Variants in ELMO3 observed in about 807,000 individuals in gnomAD.
ELMO3 encodes engulfment and cell motility 3, also known as engulfment and cell motility protein 3.
A neutral mutation model predicts 89.0 loss-of-function variants in ELMO3; 81 were observed. That is an observed-to-expected ratio of 0.91 (90% CI 0.76 to 1.09). The LOEUF (loss-of-function observed/expected upper bound fraction) is 1.09, where lower values mean the gene tolerates loss of function less well. Among genes scored for constraint, ELMO3 ranks in the 50% least tolerant of loss-of-function variants. The pLI, the probability that ELMO3 is intolerant of heterozygous loss-of-function variation, is 0.00. For synonymous variants in ELMO3, 406 were observed against 400.6 expected (o/e 1.01, Z -0.16); for missense variants, 959 against 972.8 (o/e 0.99, Z 0.19).
rs763179548 is a variant in ELMO3 at position 67,201,830 on chromosome 16, G to A, written c.1007G>A (p.Arg336His). 8.7e-6 allele frequency: 14 copies of A among 1,611,418 alleles called. No individual in the cohort carries two copies. The East Asian group carries it at 1.1e-4, about 13-fold the overall frequency. Residue 336 changes from arginine to histidine, a missense_variant, in exon 11 of 20, where the codon CGC (arginine) becomes CAC (histidine). Physicochemically the swap from Arg to His is conservative, Grantham distance 29. Transcript: ENST00000393997. ...GGTGCCGGGCTAAGTGCTGACCGTCGCCGTTCCCTCTGTGCCCGAGAGTTC... is the reference window on the plus strand; with the variant it reads ...GGTGCCGGGCTAAGTGCTGACCGTCACCGTTCCCTCTGTGCCCGAGAGTTC... ...SSGAGLSADR[R>H]RSLCAREFRK...
At position 67,201,405 on chromosome 16, in the gene ELMO3, G is replaced by C. The variant is rs774765515; in HGVS notation, c.765G>C (p.Trp255Cys). Residue 255 changes from tryptophan (W) to cysteine (C), a missense_variant, in exon 9 of 20, where the codon TGG (tryptophan) becomes TGC (cysteine). Transcript: ENST00000393997. The part of the protein sequence containing the change: ...VERKHMLDYL[W>C]QRNLRQFIYK... ...CTCAGCACATGCTTGACTATCTTTG[G>C]CAGAGGAACCTTCGCCAGTTCATCT... The C allele has an allele frequency of 1.2e-6, 2 of 1,613,884 alleles. No individual in the cohort carries two copies. The highest frequency in any genetic ancestry group is 2.2e-5 in the South Asian group (2 of 91,078).
Position 67,199,543 on chromosome 16 carries a change from C to T in ELMO3, c.79-10C>T, listed in dbSNP as rs774030285. The T allele has an allele frequency of 1.0e-5, 16 of 1,603,942 alleles. No individual in the cohort carries two copies. The highest frequency in any genetic ancestry group is 1.4e-5 in the Non-Finnish European group (16 of 1,178,178). Reference sequence around the variant, plus strand: ...TGCCCAGGCCGCGAGAATGACCACTCCACTTGCAGGCGAAGCCCCTGGCCG... The same window carrying T: ...TGCCCAGGCCGCGAGAATGACCACTTCACTTGCAGGCGAAGCCCCTGGCCG... On this transcript the variant is annotated splice_polypyrimidine_tract_variant and intron_variant, in intron 1 of 19. Transcript: ENST00000393997.
chr16:67,199,491 C>T, intron 1 of ELMO3, 62 bp from the exon 2 acceptor site: 3 of 1,547,236 alleles, frequency 1.9e-6, no homozygotes, highest in Non-Finnish European at 2.6e-6. Context: ...CCCCACCCCT[C>T]CCCCCAGGCT....
Position 67,203,891 on chromosome 16 carries a change from C to T in ELMO3, c.*14C>T, listed in dbSNP as rs1487699136. The T allele has an allele frequency of 1.7e-5, 26 of 1,543,772 alleles. No homozygotes were observed. Among genetic ancestry groups the T allele is most frequent in the Non-Finnish European group, 2.1e-5 (24 of 1,143,414 alleles). ...GCTGAACCTTGACAGTGTGGCTGGCCATGGGCCACAGCTGCGGCCACTGCA... is the reference window on the plus strand; with the variant it reads ...GCTGAACCTTGACAGTGTGGCTGGCTATGGGCCACAGCTGCGGCCACTGCA... On this transcript the variant is annotated 3_prime_UTR_variant, in exon 20 of 20. Transcript: ENST00000393997. The surrounding 1 kb of genome is among the most constrained non-coding windows in gnomAD (Gnocchi z 4.6).
intron 6 of ELMO3, 46 bp downstream of exon 6, chr16:67,200,596 G>A: frequency 6.2e-7 from 1 of 1,612,278 alleles, no homozygotes; most frequent in South Asian, 1.1e-5. Flanking sequence ...GTGGAGCAGT[G>A]GGGCAGTGGT....
At position 67,199,250 on chromosome 16, in the gene ELMO3, G is replaced by A. The variant is rs1176318872; in HGVS notation, c.-77G>A. The A allele has an allele frequency of 2.5e-6, 4 of 1,611,470 alleles. No homozygotes were observed. Among genetic ancestry groups the A allele is most frequent in the African/African-American group, 2.7e-5 (2 of 74,900 alleles). ...AAGGGAGGACCTCCTCGTCCCCAGG[G>A]GCCCCAGGCCAGGTGCACCCTTGGC... On this transcript the variant is annotated 5_prime_UTR_variant, in exon 1 of 20. Transcript: ENST00000393997.
At position 67,203,660 on chromosome 16, in the gene ELMO3, C is replaced by T; in HGVS notation, c.1951-5C>T. Reference sequence around the variant, plus strand: ...CAGACCCTCACGGCTCTGTGCCACCCCCAGTTCTACCTGTGGACAGATGGG... The same window carrying T: ...CAGACCCTCACGGCTCTGTGCCACCTCCAGTTCTACCTGTGGACAGATGGG... On this transcript the variant is annotated splice_polypyrimidine_tract_variant and splice_region_variant and intron_variant, in intron 19 of 19. Transcript: ENST00000393997. This position sits in a 1 kb window ranked among gnomAD's most constrained non-coding sequence, Gnocchi z 4.6. 6.2e-7 allele frequency: 1 copy of T among 1,613,678 alleles called. No homozygotes were observed. The highest frequency in any genetic ancestry group is 8.5e-7 in the Non-Finnish European group (1 of 1,179,866).
chr16:67,202,570 C>T (rs566724351), intron 14 of ELMO3, 37 bp downstream of exon 14: 3 of 1,612,440 alleles, frequency 1.9e-6, no homozygotes, highest in East Asian at 4.5e-5. Flanking sequence ...TGGGCCAGGG[C>T]AGGGGGCTGA....
Position 67,201,609 on chromosome 16 carries a change from G to T in ELMO3, c.885G>T (p.Pro295=), listed in dbSNP as rs375408698. 6.3e-5 allele frequency: 102 copies of T among 1,613,532 alleles called. 1 individual carries two copies. In the African/African-American group the frequency reaches 1.3e-3, roughly 20 times the overall value. ...CTCTCATGCTGGGGCTGCTGGAGCC[G>T]CGCATGCGGACGCCCCTGGACCCCT... The part of the protein sequence containing the change: ...LQALMLGLLE[P]RMRTPLDPYS... Residue 295 remains proline (P), a synonymous_variant, in exon 10 of 20, where the codon CCG becomes CCT. Coordinates refer to ENST00000393997, the MANE Select transcript of ELMO3 (RefSeq NM_024712.5).
chr16:67,202,660 A>C lies in ELMO3; in HGVS notation c.1432A>C (p.Thr478Pro). Residue 478 changes from threonine to proline, a missense_variant, in exon 15 of 20, where the codon ACT becomes CCT. Transcript: ENST00000393997. ...GGTGGTGCGGGAGCAGCTGGCCCGC[A>C]CTCTGGCCCTGAAGCCCACTTCCCT... ...MQVVREQLAR[T>P]LALKPTSLEL... 3 of 1,613,490 alleles carry C rather than the reference A, an allele frequency of 1.9e-6. No homozygotes were observed. Among genetic ancestry groups the C allele is most frequent in the Non-Finnish European group, 2.5e-6 (3 of 1,179,970 alleles).
intron 11 of ELMO3, 45 bp downstream of exon 11, chr16:67,201,918 G>A (rs111515493): frequency 4.5e-5 from 72 of 1,605,080 alleles, no homozygotes; most frequent in African/African-American, 4.4e-4. Flanking sequence ...CCTCAGCCCA[G>A]GGCTGTTGTT....
At position 67,199,575 on chromosome 16, in the gene ELMO3, T is replaced by C. The variant is rs942098605; in HGVS notation, c.101T>C (p.Leu34Pro). The C allele has an allele frequency of 1.2e-6, 2 of 1,606,020 alleles. No individual in the cohort carries two copies. The highest frequency in any genetic ancestry group is 2.7e-5 in the African/African-American group (2 of 74,428). Reference protein sequence around the residue: ...LDQAKPLAAVLKEVCDAWSLT... With the variant: ...LDQAKPLAAVPKEVCDAWSLT... ...CAGGCGAAGCCCCTGGCCGCTGTGC[T>C]GAAGGAGGTGTGCGACGCGTGAGTG... The change falls in exon 2 of 20, where the codon CTG becomes CCG. Residue 34 changes from leucine to proline, a missense_variant. Coordinates refer to ENST00000393997, the MANE Select transcript of ELMO3 (RefSeq NM_024712.5).
chr16:67,200,489 C>T lies in ELMO3; in HGVS notation c.452C>T (p.Ser151Leu). ...EVLALSLRAFSELMEHGVVSW... is the reference protein window; with the variant it reads ...EVLALSLRAFLELMEHGVVSW... ...CTGGCCCTCAGCCTGAGGGCCTTCT[C>T]AGAGCTCATGGAGCACGGCGTGGTG... The change falls in exon 6 of 20, where the codon TCA becomes TTA. Residue 151 changes from serine to leucine, a missense_variant. Ser to Leu is a moderately radical substitution (Grantham distance 145). Coordinates refer to ENST00000393997, the MANE Select transcript of ELMO3 (RefSeq NM_024712.5). 1 of 1,613,682 alleles carries T rather than the reference C, an allele frequency of 6.2e-7. No homozygotes were observed. The highest frequency in any genetic ancestry group is 8.5e-7 in the Non-Finnish European group (1 of 1,179,938).
Position 67,199,142 on chromosome 16 carries a change from CGGCTCCCTTG to C in ELMO3, c.-182_-173del. Reference sequence around the variant, plus strand: ...CCAGACTCCAACCCGGAACTAACCTCGGCTCCCTTGGGAAGGCCGCGTTGCATGGCCAGGA... The same window carrying C: ...CCAGACTCCAACCCGGAACTAACCTCGGAAGGCCGCGTTGCATGGCCAGGA... On this transcript the variant is annotated 5_prime_UTR_variant, in exon 1 of 20. Coordinates refer to ENST00000393997, the MANE Select transcript of ELMO3 (RefSeq NM_024712.5). 6.2e-7 allele frequency: 1 copy of C among 1,600,130 alleles called. No individual in the cohort carries two copies. Among genetic ancestry groups the C allele is most frequent in the South Asian group, 1.1e-5 (1 of 90,796 alleles).
Position 67,203,628 on chromosome 16 carries a change from A to T in ELMO3, c.1951-37A>T. The stretch of plus-strand genomic sequence containing the variant: ...AGGTCGGCAGGTGGGCAGGGGAGGC[A>T]GATGGGCAGACCCTCACGGCTCTGT... On this transcript the variant is annotated intron_variant, in intron 19 of 19. Transcript: ENST00000393997. The surrounding 1 kb of genome is among the most constrained non-coding windows in gnomAD (Gnocchi z 4.6). 1 of 1,613,942 alleles carries T rather than the reference A, an allele frequency of 6.2e-7. No homozygotes were observed. The highest frequency in any genetic ancestry group is 8.5e-7 in the Non-Finnish European group (1 of 1,179,990).
In ELMO3 at chr16:67,199,248, G is replaced by T. The variant is rs775804840; in HGVS notation, c.-79G>T. The T allele has an allele frequency of 6.2e-7, 1 of 1,611,504 alleles. No homozygotes were observed. The highest frequency in any genetic ancestry group is 1.7e-5 in the Admixed American group (1 of 59,822). ...GAAAGGGAGGACCTCCTCGTCCCCA[G>T]GGGCCCCAGGCCAGGTGCACCCTTG... is the stretch of plus-strand genomic sequence containing the variant. On this transcript the variant is annotated 5_prime_UTR_variant, in exon 1 of 20. It adds an upstream start codon to the 5' untranslated region. Transcript: ENST00000393997.
chr16:67,203,174 CATG>C lies in ELMO3; in HGVS notation c.1732_1734del (p.Met578del). On this transcript the variant is annotated inframe_deletion, in exon 17 of 20. Transcript: ENST00000393997. This position sits in a 1 kb window ranked among gnomAD's most constrained non-coding sequence, Gnocchi z 4.6. ...ACCACAAGCTGCTGCAGTACGGAGACATGGAGGAGGGCGCCAGCCCGCCTACCC... is the reference window on the plus strand; with the variant it reads ...ACCACAAGCTGCTGCAGTACGGAGACGAGGAGGGCGCCAGCCCGCCTACCC... 1 of 1,612,060 alleles carries C rather than the reference CATG, an allele frequency of 6.2e-7. No individual in the cohort carries two copies.
rs1444607361 is a variant in ELMO3 at position 67,200,434 on chromosome 16, A to G, written c.414-17A>G. The G allele has an allele frequency of 6.2e-7, 1 of 1,611,616 alleles. No individual in the cohort carries two copies. The highest frequency in any genetic ancestry group is 1.1e-5 in the South Asian group (1 of 91,050). Reference sequence around the variant, plus strand: ...TCCTGGGGTGGTCCTGCTCAGCCCCAGATGTCCCCCCTCCAGCCTAGGAGA... The same window carrying G: ...TCCTGGGGTGGTCCTGCTCAGCCCCGGATGTCCCCCCTCCAGCCTAGGAGA... On this transcript the variant is annotated splice_polypyrimidine_tract_variant and intron_variant, in intron 5 of 19. Coordinates refer to ENST00000393997, the MANE Select transcript of ELMO3 (RefSeq NM_024712.5).
At position 67,201,531 on chromosome 16, in the gene ELMO3, C is replaced by A. The variant is rs1405692859; in HGVS notation, c.807C>A (p.His269Gln). 6.2e-7 allele frequency: 1 copy of A among 1,614,114 alleles called. No individual in the cohort carries two copies. Among genetic ancestry groups the A allele is most frequent in the Non-Finnish European group, 8.5e-7 (1 of 1,180,012 alleles). Residue 269 changes from histidine to glutamine, a missense_variant, in exon 10 of 20, where the codon CAC (histidine) becomes CAA (glutamine). His to Gln is a conservative substitution (Grantham distance 24). Coordinates refer to ENST00000393997, the MANE Select transcript of ELMO3 (RefSeq NM_024712.5). ...TGGCTGTCCTGCAGAACATCATCCA[C>A]AGTGCAGCACCAATGGGCGACGAGA... ...LRQFIYKNII[H>Q]SAAPMGDEMA... is the part of the protein sequence containing the mutation.
Sources: gnomAD v4.1 joint callset for allele counts on GRCh38, gnomAD v4.1.1 for gene constraint, Gnocchi (gnomAD v3.1) non-coding constraint, MANE v1.5 for transcripts, NCBI Gene and HGNC (gene_info 2026-07-23, HGNC 2026-07-21) for gene names.